Variants in GPLD1 observed in about 807,000 individuals in gnomAD.
GPLD1 encodes the protein glycosylphosphatidylinositol specific phospholipase D1, also known as phosphatidylinositol-glycan-specific phospholipase D.
GPLD1 carries 84 observed loss-of-function variants against 112.6 expected under a neutral mutation model. That is an observed-to-expected ratio of 0.75 (90% CI 0.63 to 0.89). The LOEUF is 0.89. Among genes scored for constraint, GPLD1 ranks in the 40% least tolerant of loss-of-function variants. The pLI, the probability that GPLD1 is intolerant of heterozygous loss-of-function variation, is 0.00. For synonymous variants in GPLD1, 386 were observed against 403.8 expected (o/e 0.96, Z 0.53); for missense variants, 1,044 against 1,051.5 (o/e 0.99, Z 0.10).
chr6:24,445,974 G>A (rs1762898468), intron 18 of GPLD1, 143 bp from the exon 19 acceptor site: 2 of 643,626 alleles, frequency 3.1e-6, no homozygotes. Flanking sequence ...GCCTGGAAGT[G>A]TGGGGACTAT....
intron 7 of GPLD1, among the ~76,000 whole-genome samples, chr6:24,471,218 G>A (rs1223682151): frequency 1.3e-5 from 2 of 152,134 alleles, no homozygotes; most frequent in African/African-American, 4.8e-5. Context: ...AACCCAAAGG[G>A]GGTGCAGTGG....
At chr6:24,480,625 T>C (rs1300037414) in intron 2 of GPLD1, among the ~76,000 whole-genome samples, 1 of 151,822 alleles carries the variant, frequency 6.6e-6, no homozygotes, top group African/African-American at 2.4e-5. Flanking sequence ...TGTGTTTTAG[T>C]GTAAGATGAC....
At chr6:24,470,464 T>C (rs962126823) in intron 7 of GPLD1, among the ~76,000 whole-genome samples, 1 of 152,186 alleles carries the variant, frequency 6.6e-6, no homozygotes, top group African/African-American at 2.4e-5. Flanking sequence ...AAATCTACCC[T>C]CATGTGGGAG....
chr6:24,438,829 C>G (rs1337323103), intron 20 of GPLD1, among the ~76,000 whole-genome samples: 1 of 152,034 alleles, frequency 6.6e-6, no homozygotes, highest in Non-Finnish European at 1.5e-5. Flanking sequence ...CTCTGTCACC[C>G]AGGCTGGAGT....
chr6:24,442,419 CTAATTTTTTTTTTTTTT>C, intron 20 of GPLD1, among the ~76,000 whole-genome samples: 2 of 126,738 alleles, frequency 1.6e-5, no homozygotes, highest in Non-Finnish European at 3.2e-5. Context: ...CCACATCTGG[CTAATTTTTTTTTTTTTT>C]TTTTTTTTTT....
chr6:24,429,170 T>C (rs750898280), intron 24 of GPLD1, 52 bp from the exon 25 acceptor site: 2 of 1,126,774 alleles, frequency 1.8e-6, no homozygotes, highest in Non-Finnish European at 2.7e-6. Context: ...ATCTATTGAG[T>C]TCCTATGGTA....
chr6:24,473,942 T>G (rs140096379), intron 5 of GPLD1, among the ~76,000 whole-genome samples: 2 of 152,054 alleles, frequency 1.3e-5, no homozygotes, highest in Admixed American at 6.6e-5. Flanking sequence ...CTGGCCAACA[T>G]AGTGAAACCC....
chr6:24,437,003 G>A (rs988692845), intron 21 of GPLD1, 110 bp downstream of exon 21: 32 of 982,578 alleles, frequency 3.3e-5, no homozygotes, highest in Non-Finnish European at 5.0e-5. Flanking sequence ...AAGGTCCTTG[G>A]GCCACTGGGC....
chr6:24,481,359 T>A (rs1178341270), intron 2 of GPLD1, among the ~76,000 whole-genome samples: 9 of 147,414 alleles, frequency 6.1e-5, no homozygotes, highest in Admixed American at 2.0e-4. Flanking sequence ...TTTTTTTTTT[T>A]AAATAAGAAC....
intron 21 of GPLD1, 57 bp downstream of exon 21, chr6:24,437,056 C>A (rs879856787): frequency 2.0e-5 from 30 of 1,496,328 alleles, no homozygotes; most frequent in Non-Finnish European, 2.7e-5. Flanking sequence ...AATTAGGGGA[C>A]CCACCCCCTG....
rs553287827 is a variant in GPLD1, at chr6:24,437,170, G to A, written c.2140C>T (p.Arg714Cys). The change falls in exon 21 of 25, where the codon CGC becomes TGC. Residue 714 changes from arginine (R) to cysteine (C), a missense_variant. Transcript: ENST00000230036. The part of the protein sequence containing the change: ...LLLSTFSGDR[R>C]FSRFGGVLHL... ...AGAACGCCACCAAATCGGGAGAAGC[G>A]GCGGTCTCCGCTGAAGGTGCTGAGC... 147 of 1,614,184 alleles carry A rather than the reference G, an allele frequency of 9.1e-5. No individual in the cohort carries two copies. In the East Asian group the frequency reaches 2.9e-3, roughly 32 times the overall value.
intron 14 of GPLD1, among the ~76,000 whole-genome samples, chr6:24,451,695 T>C (rs558217540): frequency 1.1e-4 from 17 of 152,352 alleles, no homozygotes; most frequent in African/African-American, 4.1e-4. Context: ...ACAGTGGTGC[T>C]TGCCACATAA....
chr6:24,453,264 T>G (rs1763151950), intron 14 of GPLD1, among the ~76,000 whole-genome samples: 1 of 152,192 alleles, frequency 6.6e-6, no homozygotes, highest in Non-Finnish European at 1.5e-5. Flanking sequence ...ACCATAATTA[T>G]GTAAGATGTT....
In GPLD1 at chr6:24,445,555, G is replaced by C. The variant is rs778440690; in HGVS notation, c.2011C>G (p.Pro671Ala). ...TLKQVLLVGA[P>A]TYDDVSKVAF... ...ACAGTGTGTGACCTACCGTACGTAG[G>C]GGCTCCAACCAGCAGCACTTGTTTC... The change falls in exon 20 of 25, where the codon CCT becomes GCT. Residue 671 changes from proline to alanine, a missense_variant. Physicochemically the swap from Pro to Ala is conservative, Grantham distance 27. Coordinates refer to ENST00000230036, the MANE Select transcript of GPLD1 (RefSeq NM_001503.4). 1.2e-6 allele frequency: 2 copies of C among 1,612,054 alleles called. No individual in the cohort carries two copies. The highest frequency in any genetic ancestry group is 1.7e-6 in the Non-Finnish European group (2 of 1,178,140).
chr6:24,462,906 T>C (rs1259647693), intron 10 of GPLD1, 111 bp from the exon 11 acceptor site: 8 of 805,834 alleles, frequency 9.9e-6, no homozygotes, highest in Non-Finnish European at 1.7e-5. Flanking sequence ...AAAGTGTTTA[T>C]TACCTAGCCA....
chr6:24,476,263 ACAT>A lies in GPLD1; in HGVS notation c.245_247del (p.Asp82del). 2 of 1,545,222 alleles carry A rather than the reference ACAT, an allele frequency of 1.3e-6. No homozygotes were observed. Among genetic ancestry groups the A allele is most frequent in the Non-Finnish European group, 1.8e-6 (2 of 1,133,032 alleles). ...CGGAGTCCAGTGAGTGCTCTCAGAC[ACAT>A]CATGGAATTTTCCTGACAAAACAAA... On this transcript the variant is annotated inframe_deletion, in exon 4 of 25. Coordinates refer to ENST00000230036, the MANE Select transcript of GPLD1 (RefSeq NM_001503.4).
chr6:24,445,883 G>T (rs761409402), intron 18 of GPLD1, 52 bp from the exon 19 acceptor site: 1 of 1,286,822 alleles, frequency 7.8e-7, no homozygotes, highest in Non-Finnish European at 1.1e-6. Context: ...CTGACAGCTG[G>T]CCAGGTACTC....
In GPLD1 at chr6:24,456,514, A is replaced by G. The variant is rs754342462; in HGVS notation, c.1132T>C (p.Tyr378His). 1.9e-6 allele frequency: 3 copies of G among 1,608,634 alleles called. No individual in the cohort carries two copies. The Admixed American group carries it at 5.0e-5, about 27-fold the overall frequency. Residue 378 changes from tyrosine (Y) to histidine (H), a missense_variant, in exon 13 of 25, where the codon TAT (tyrosine) becomes CAT (histidine). Coordinates refer to ENST00000230036, the MANE Select transcript of GPLD1 (RefSeq NM_001503.4). ...PLASYFLSFPYARLGWAMTSA... is the reference protein window; with the variant it reads ...PLASYFLSFPHARLGWAMTSA... ...TATACGTACCAGCCAAGCCTCGCAT[A>G]AGGAAATGACAAGAAGTAAGATGCT...
At position 24,466,734 on chromosome 6, in the gene GPLD1, A is replaced by C. The variant is rs1259796340; in HGVS notation, c.767T>G (p.Phe256Cys). Residue 256 changes from phenylalanine to cysteine, a missense_variant, in exon 10 of 25, where the codon TTT (phenylalanine) becomes TGT (cysteine). Coordinates refer to ENST00000230036, the MANE Select transcript of GPLD1 (RefSeq NM_001503.4). ...YFLGGLDDMAFWSTNIYHLTS... is the reference protein window; with the variant it reads ...YFLGGLDDMACWSTNIYHLTS... ...TAGATGGTAAATATTAGTGGACCAA[A>C]ATGCCATATCATCCAGTCCTCCAAG... 6.2e-7 allele frequency: 1 copy of C among 1,612,038 alleles called. No homozygotes were observed. The highest frequency in any genetic ancestry group is 8.5e-7 in the Non-Finnish European group (1 of 1,178,092).
Sources: allele counts gnomAD v4.1 joint callset (sites outside exome capture counted in the v4.1 genomes callset), GRCh38; gene constraint gnomAD v4.1.1; transcripts MANE v1.5; gene names NCBI Gene and HGNC (gene_info 2026-07-23, HGNC 2026-07-21).